APBB1IP: variants seen among roughly 807,000 people sequenced by gnomAD.
APBB1IP encodes the protein amyloid beta precursor protein binding family B member 1 interacting protein, also known as amyloid beta A4 precursor protein-binding family B member 1-interacting protein.
Under a neutral mutation model 64.9 loss-of-function variants are expected in APBB1IP, and 27 were observed. The observed-to-expected ratio is 0.42, with a 90% CI of 0.31 to 0.57. The LOEUF (loss-of-function observed/expected upper bound fraction) is 0.57, where lower values mean the gene tolerates loss of function less well. Among genes scored for constraint, APBB1IP ranks in the 20% least tolerant of loss-of-function variants. APBB1IP has a pLI of 0.20. For synonymous variants in APBB1IP, 392 were observed against 331.0 expected, an observed-to-expected ratio of 1.18 and a Z score of -2.00; for missense variants, 812 against 845.5, an observed-to-expected ratio of 0.96 and a Z score of 0.49.
intron 8 of APBB1IP, among the ~76,000 whole-genome samples, chr10:26,516,340 G>A (rs1347016499): frequency 6.6e-6 from 1 of 151,668 alleles, no homozygotes; most frequent in Admixed American, 6.6e-5. Flanking sequence ...GATCACTTGA[G>A]GTCAGGAGTT....
intron 2 of APBB1IP, among the ~76,000 whole-genome samples, chr10:26,462,190 T>A (rs777700860): frequency 1.3e-5 from 2 of 152,072 alleles, no homozygotes. Flanking sequence ...TTGTCCCTTA[T>A]AAAAAAAAGT....
At chr10:26,452,029 G>A (rs537274607) in intron 2 of APBB1IP, among the ~76,000 whole-genome samples, 1 of 152,270 alleles carries the variant, frequency 6.6e-6, no homozygotes, top group South Asian at 2.1e-4. Context: ...TGCCGTATAT[G>A]GTGGCATAGA....
At chr10:26,491,183 G>A (rs1008592448) in intron 2 of APBB1IP, among the ~76,000 whole-genome samples, 2 of 152,054 alleles carry the variant, frequency 1.3e-5, no homozygotes, top group African/African-American at 4.8e-5. Context: ...GGAGGCTGAG[G>A]AAGGAGAATT....
At chr10:26,510,731 G>GTCTC (rs147913300) in intron 6 of APBB1IP, among the ~76,000 whole-genome samples, 35 of 121,642 alleles carry the variant, frequency 2.9e-4, no homozygotes, top group South Asian at 8.0e-4. Flanking sequence ...GCAAGACCCT[G>GTCTC]TCTCACACAC....
At chr10:26,525,517 A>C (rs571124165) in intron 8 of APBB1IP, among the ~76,000 whole-genome samples, 1 of 152,236 alleles carries the variant, frequency 6.6e-6, no homozygotes, top group East Asian at 1.9e-4. Flanking sequence ...TCTCTTGCAC[A>C]GGGGATGTGG....
At chr10:26,467,585 A>G (rs1835663811) in intron 2 of APBB1IP, among the ~76,000 whole-genome samples, 2 of 152,166 alleles carry the variant, frequency 1.3e-5, no homozygotes, top group South Asian at 4.1e-4. Context: ...CCCAGTTACT[A>G]TAGAGGTGGC....
intron 2 of APBB1IP, among the ~76,000 whole-genome samples, chr10:26,440,857 G>C (rs1221732778): frequency 6.6e-6 from 1 of 151,970 alleles, no homozygotes. Flanking sequence ...ATGTCACTTT[G>C]AATTTTCTTT....
At chr10:26,534,751 C>A (rs1393950172) in intron 9 of APBB1IP, among the ~76,000 whole-genome samples, 1 of 152,132 alleles carries the variant, frequency 6.6e-6, no homozygotes, top group Non-Finnish European at 1.5e-5. Flanking sequence ...TGAGCATTTC[C>A]CAGGGAGGCC....
At chr10:26,441,182 G>C (rs1835334132) in intron 2 of APBB1IP, among the ~76,000 whole-genome samples, 1 of 152,202 alleles carries the variant, frequency 6.6e-6, no homozygotes, top group South Asian at 2.1e-4. Flanking sequence ...TAAGAGGCAA[G>C]TCACTTAAAG....
intron 8 of APBB1IP, among the ~76,000 whole-genome samples, chr10:26,524,955 C>CTTTCTTTTTTTT (rs747655095): frequency 3.7e-4 from 27 of 73,964 alleles, no homozygotes; most frequent in Non-Finnish European, 6.0e-4. Flanking sequence ...TTCTTTCTTT[C>CTTTCTTTTTTTT]TTTTTTTTTT....
intron 2 of APBB1IP, among the ~76,000 whole-genome samples, chr10:26,458,318 G>A (rs1589192246): frequency 6.6e-6 from 1 of 152,218 alleles, no homozygotes; most frequent in South Asian, 2.1e-4. Context: ...AACCTAGGAG[G>A]CGGAGGTTGC....
intron 2 of APBB1IP, among the ~76,000 whole-genome samples, chr10:26,469,846 A>T (rs1433124599): frequency 6.6e-6 from 1 of 152,206 alleles, no homozygotes; most frequent in Non-Finnish European, 1.5e-5. Flanking sequence ...GCTCGTACTT[A>T]TAAGTGAGAA....
intron 2 of APBB1IP, among the ~76,000 whole-genome samples, chr10:26,462,329 T>C (rs1835602789): frequency 6.6e-6 from 1 of 152,190 alleles, no homozygotes; most frequent in Non-Finnish European, 1.5e-5. Flanking sequence ...GTGTTTTACA[T>C]TGGAACATTT....
At chr10:26,558,347 T>C (rs1327041974) in intron 11 of APBB1IP, among the ~76,000 whole-genome samples, 1 of 152,182 alleles carries the variant, frequency 6.6e-6, no homozygotes, top group East Asian at 1.9e-4. Flanking sequence ...GTTTCTTGAT[T>C]CTTCAAGTAT....
intron 11 of APBB1IP, among the ~76,000 whole-genome samples, chr10:26,544,593 G>A (rs982262318): frequency 6.6e-6 from 1 of 152,150 alleles, no homozygotes; most frequent in African/African-American, 2.4e-5. Flanking sequence ...GAAGGAAGCA[G>A]GAGCCAAACC....
chr10:26,515,444 T>C (rs1337538435), intron 8 of APBB1IP, among the ~76,000 whole-genome samples: 1 of 152,138 alleles, frequency 6.6e-6, no homozygotes, highest in African/African-American at 2.4e-5. Flanking sequence ...CACATTCAGA[T>C]TTATGCTTCC....
intron 2 of APBB1IP, among the ~76,000 whole-genome samples, chr10:26,472,015 C>T (rs1010688904): frequency 2.0e-5 from 3 of 152,130 alleles, no homozygotes; most frequent in Non-Finnish European, 4.4e-5. Flanking sequence ...CTTTAGCAGA[C>T]TTGACTGGGA....
intron 8 of APBB1IP, among the ~76,000 whole-genome samples, chr10:26,518,924 G>A (rs1167815709): frequency 6.6e-6 from 1 of 152,120 alleles, no homozygotes; most frequent in Non-Finnish European, 1.5e-5. Context: ...ATTAAATCCA[G>A]CATTTCTAGC....
At chr10:26,518,372 C>T (rs1016109704) in intron 8 of APBB1IP, among the ~76,000 whole-genome samples, 6 of 151,580 alleles carry the variant, frequency 4.0e-5, no homozygotes, top group South Asian at 2.1e-4. Flanking sequence ...CTCAGCCTCC[C>T]GAGTAGCTGG....
Sources: gnomAD v4.1 joint callset for allele counts (sites outside exome capture counted in the v4.1 genomes callset) on GRCh38, gnomAD v4.1.1 for gene constraint, MANE v1.5 for transcripts, NCBI Gene and HGNC (gene_info 2026-07-23, HGNC 2026-07-21) for gene names.